NCK1: variants seen among roughly 807,000 people sequenced by gnomAD.
The protein encoded by NCK1 is SH2/SH3 adapter protein NCK1.
A neutral mutation model predicts 36.6 loss-of-function variants in NCK1; 19 were observed. That is an observed-to-expected ratio of 0.52 (90% CI 0.36 to 0.76). NCK1 has a LOEUF of 0.76. Among genes scored for constraint, NCK1 ranks in the 30% least tolerant of loss-of-function variants. The probability of loss-of-function intolerance (pLI) is 0.00; values close to 1 mark genes in which losing one functional copy is unlikely to be tolerated. For synonymous variants in NCK1, 165 were observed against 156.0 expected, an observed-to-expected ratio of 1.06 and a Z score of -0.43; for missense variants, 358 against 445.6, an observed-to-expected ratio of 0.80 and a Z score of 1.77.
chr3:136,901,686 G>A (rs989924580), intron 1 of NCK1, among the ~76,000 whole-genome samples: 5 of 152,076 alleles, frequency 3.3e-5, no homozygotes, highest in African/African-American at 1.2e-4. Context: ...GTTTGTAATA[G>A]TTTTTAATGT....
chr3:136,905,898 T>C (rs1213197899), intron 1 of NCK1, among the ~76,000 whole-genome samples: 1 of 152,114 alleles, frequency 6.6e-6, no homozygotes, highest in Non-Finnish European at 1.5e-5. Flanking sequence ...GTGCTAGAAT[T>C]ACAAGTCTGA....
chr3:136,938,776 A>G (rs2108142990), intron 2 of NCK1, among the ~76,000 whole-genome samples: 1 of 152,354 alleles, frequency 6.6e-6, no homozygotes, highest in East Asian at 1.9e-4. Flanking sequence ...GTGATTGGTT[A>G]ACAAAAACAT....
In NCK1 at chr3:136,951,484, G is replaced by A. The variant is rs1289735157; in HGVS notation, c.*3031G>A. On this transcript the variant is annotated 3_prime_UTR_variant, in exon 4 of 4. Coordinates refer to ENST00000481752, the MANE Select transcript of NCK1 (RefSeq NM_001291999.2). Reference sequence around the variant, plus strand: ...TAAAAATGAGAAGCTAATAACATGAGTTGAATTCCCACAAGTCAACAATGA... The same window carrying A: ...TAAAAATGAGAAGCTAATAACATGAATTGAATTCCCACAAGTCAACAATGA... Among the ~76,000 whole-genome samples, 2 of 152,178 alleles carry A rather than the reference G, an allele frequency of 1.3e-5. No individual in the cohort carries two copies. The highest frequency in any genetic ancestry group is 2.9e-5 in the Non-Finnish European group (2 of 68,018).
chr3:136,921,017 A>G (rs1940094792), intron 1 of NCK1, among the ~76,000 whole-genome samples: 1 of 152,194 alleles, frequency 6.6e-6, no homozygotes, highest in Non-Finnish European at 1.5e-5. Context: ...ATATTTGGAT[A>G]TAGTGTCTTT....
At chr3:136,905,418 T>C (rs955920230) in intron 1 of NCK1, among the ~76,000 whole-genome samples, 15 of 152,044 alleles carry the variant, frequency 9.9e-5, no homozygotes, top group Non-Finnish European at 1.5e-4. Context: ...TTTTCAGAAT[T>C]CTCTTGTATC....
chr3:136,870,208 G>T (rs765169232), intron 1 of NCK1, among the ~76,000 whole-genome samples: 9 of 151,710 alleles, frequency 5.9e-5, no homozygotes, highest in Non-Finnish European at 1.0e-4. Flanking sequence ...TGGGCGTGGT[G>T]GTGCATGCCT....
intron 2 of NCK1, among the ~76,000 whole-genome samples, chr3:136,929,163 G>A (rs867909502): frequency 2.6e-5 from 4 of 152,040 alleles, no homozygotes; most frequent in Admixed American, 6.6e-5. Context: ...GAACTCCTGG[G>A]CTCAAGCAAC....
chr3:136,875,173 C>G (rs867235010), intron 1 of NCK1, among the ~76,000 whole-genome samples: 33 of 152,290 alleles, frequency 2.2e-4, no homozygotes, highest in Admixed American at 9.8e-4. Flanking sequence ...AGTCTGCTCT[C>G]TGTTTGTCTG....
chr3:136,877,037 C>T (rs185473549), intron 1 of NCK1, among the ~76,000 whole-genome samples: 108 of 152,150 alleles, frequency 7.1e-4, no homozygotes, highest in Middle Eastern at 3.4e-3. Context: ...ATGGACAAAA[C>T]TAAAAGGAGA....
At chr3:136,913,222 A>G (rs984494965) in intron 1 of NCK1, among the ~76,000 whole-genome samples, 10 of 152,026 alleles carry the variant, frequency 6.6e-5, no homozygotes, top group African/African-American at 2.4e-4. Flanking sequence ...TGCTAATGTG[A>G]TAACTCTGGA....
In NCK1 at chr3:136,948,497, T is replaced by C; in HGVS notation, c.*44T>C. On this transcript the variant is annotated 3_prime_UTR_variant, in exon 4 of 4. Transcript: ENST00000481752. ...ACTGCTGTGTAGCTGTAATTTGTCA[T>C]GTAATTGAAGACTGAGAAAATGTTG... 1 of 1,542,628 alleles carries C rather than the reference T, an allele frequency of 6.5e-7. No individual in the cohort carries two copies. Among genetic ancestry groups the C allele is most frequent in the Non-Finnish European group, 8.8e-7 (1 of 1,130,224 alleles).
chr3:136,918,210 A>G (rs1018871594), intron 1 of NCK1, among the ~76,000 whole-genome samples: 19 of 152,164 alleles, frequency 1.2e-4, no homozygotes, highest in African/African-American at 4.6e-4. Context: ...CTTTATAGAT[A>G]CATATCTAAA....
chr3:136,900,587 CTTTAT>C (rs936022715), intron 1 of NCK1, among the ~76,000 whole-genome samples: 1 of 151,886 alleles, frequency 6.6e-6, no homozygotes, highest in African/African-American at 2.4e-5. Context: ...TTTGTGCCCT[CTTTAT>C]TTTATCTAGT....
intron 1 of NCK1, among the ~76,000 whole-genome samples, chr3:136,921,249 A>T (rs1382748840): frequency 2.0e-5 from 3 of 152,258 alleles, no homozygotes; most frequent in Admixed American, 2.0e-4. Context: ...GTCATGTATG[A>T]GAGAACAAAA....
At chr3:136,902,028 C>A (rs1175119940) in intron 1 of NCK1, among the ~76,000 whole-genome samples, 1 of 151,898 alleles carries the variant, frequency 6.6e-6, no homozygotes, top group Non-Finnish European at 1.5e-5. Context: ...TTTGCTGTAT[C>A]TCATAGATTT....
intron 1 of NCK1, among the ~76,000 whole-genome samples, chr3:136,922,999 A>T (rs1276366282): frequency 6.6e-6 from 1 of 152,128 alleles, no homozygotes; most frequent in Non-Finnish European, 1.5e-5. Context: ...GAAGTAGTAG[A>T]TGTATTAGTA....
intron 1 of NCK1, among the ~76,000 whole-genome samples, chr3:136,925,671 A>T (rs1184755213): frequency 6.6e-6 from 1 of 152,166 alleles, no homozygotes; most frequent in Non-Finnish European, 1.5e-5. Context: ...CTGGAGATTC[A>T]TCCAGGTCGT....
chr3:136,886,103 A>C (rs1939066818), intron 1 of NCK1, among the ~76,000 whole-genome samples: 1 of 152,210 alleles, frequency 6.6e-6, no homozygotes, highest in Non-Finnish European at 1.5e-5. Flanking sequence ...CTAAATTTTC[A>C]TTTAACATTA....
rs1044931569 is a variant in NCK1, at chr3:136,945,433, A to T, written c.227-150A>T. The T allele has an allele frequency of 1.7e-5, 9 of 531,302 alleles. 1 individual carries two copies. Among genetic ancestry groups the T allele is most frequent in the African/African-American group, 1.6e-4 (8 of 50,754 alleles). The allele number at this position is 531,302 out of a possible 1,614,324, so 32.9% of individuals were successfully genotyped here. On this transcript the variant is annotated intron_variant, in intron 2 of 3. Coordinates refer to ENST00000481752, the MANE Select transcript of NCK1 (RefSeq NM_001291999.2). ...AAATTTGCATCTTATTTCCAAAAAG[A>T]TGATTTTTAACTACATAGAAATTTG...
Sources: allele counts gnomAD v4.1 joint callset (sites outside exome capture counted in the v4.1 genomes callset), GRCh38; gene constraint gnomAD v4.1.1; transcripts MANE v1.5; gene names NCBI Gene and HGNC (gene_info 2026-07-23, HGNC 2026-07-21).